The following TNFSF4 variants were observed in gnomAD, a reference collection of about 807,000 sequenced individuals.
TNFSF4 encodes tumor necrosis factor ligand superfamily member 4.
TNFSF4 carries 4 observed loss-of-function variants against 7.3 expected under a neutral mutation model. The observed-to-expected ratio is 0.55, with a 90% confidence interval of 0.27 to 1.25. The LOEUF (loss-of-function observed/expected upper bound fraction) is 1.25. TNFSF4 is among the 50% of genes most tolerant of loss of function. TNFSF4 has a pLI of 0.12. For synonymous variants in TNFSF4, 76 were observed against 83.7 expected (o/e 0.91, Z 0.50); for missense variants, 181 against 208.8 (o/e 0.87, Z 0.82).
the TNFSF4 span, among the ~76,000 whole-genome samples, chr1:173,229,324 G>A: frequency 6.6e-6 from 1 of 152,138 alleles, no homozygotes; most frequent in Non-Finnish European, 1.5e-5. Flanking sequence ...TTCATATCCA[G>A]CCAAACTAAG....
At chr1:173,259,403 T>C in the TNFSF4 span, among the ~76,000 whole-genome samples, 2 of 151,174 alleles carry the variant, frequency 1.3e-5, no homozygotes, top group Admixed American at 6.6e-5. Context: ...AATACAAAAA[T>C]GCTGAAAGCT....
At chr1:173,224,644 AGGTTAGACACTAGTAAGCAGT>A in the TNFSF4 span, among the ~76,000 whole-genome samples, 2 of 152,210 alleles carry the variant, frequency 1.3e-5, no homozygotes, top group Admixed American at 1.3e-4. Flanking sequence ...AACTTCCCTG[AGGTTAGACACTAGTAAGCAGT>A]GGTTAGACAC....
intron 1 of TNFSF4, among the ~76,000 whole-genome samples, chr1:173,206,802 C>T (rs150692112): frequency 1.3e-5 from 2 of 152,230 alleles, no homozygotes; most frequent in African/African-American, 2.4e-5. Context: ...GAAGCTGTGC[C>T]TCTGCCCTAC....
chr1:173,383,485 G>A, the TNFSF4 span, among the ~76,000 whole-genome samples: 1 of 152,228 alleles, frequency 6.6e-6, no homozygotes, highest in South Asian at 2.1e-4. Flanking sequence ...GTCTGTCTGT[G>A]GTTTGTATAG....
the TNFSF4 span, among the ~76,000 whole-genome samples, chr1:173,217,479 A>G: frequency 6.6e-6 from 1 of 152,242 alleles, no homozygotes; most frequent in South Asian, 2.1e-4. Context: ...ATAAATAAAT[A>G]TAGGTAGAAG....
chr1:173,201,145 A>C (rs1649925807), intron 1 of TNFSF4, among the ~76,000 whole-genome samples: 1 of 152,238 alleles, frequency 6.6e-6, no homozygotes, highest in African/African-American at 2.4e-5. Flanking sequence ...AAACGGAAAT[A>C]GCCTAAGCCA....
the TNFSF4 span, among the ~76,000 whole-genome samples, chr1:173,424,283 G>C: frequency 6.6e-6 from 1 of 152,146 alleles, no homozygotes; most frequent in Non-Finnish European, 1.5e-5. Context: ...CTTCTCATGG[G>C]CAAGACTCTA....
chr1:173,270,866 C>G, the TNFSF4 span, among the ~76,000 whole-genome samples: 1 of 152,014 alleles, frequency 6.6e-6, no homozygotes, highest in Non-Finnish European at 1.5e-5. Flanking sequence ...GCAGTAGAAC[C>G]AAATTTTCAG....
At chr1:173,375,240 T>C in the TNFSF4 span, among the ~76,000 whole-genome samples, 191 of 152,248 alleles carry the variant, frequency 1.3e-3, 3 homozygotes, top group Non-Finnish European at 2.5e-4. Flanking sequence ...TGAGCTCAAC[T>C]CACAACTTCT....
the TNFSF4 span, among the ~76,000 whole-genome samples, chr1:173,438,441 T>C: frequency 6.6e-6 from 1 of 152,176 alleles, no homozygotes; most frequent in African/African-American, 2.4e-5. Flanking sequence ...AGTATCTCAC[T>C]GTAGATTTAA....
the TNFSF4 span, among the ~76,000 whole-genome samples, chr1:173,422,092 A>G: frequency 2.6e-5 from 4 of 152,158 alleles, no homozygotes; most frequent in Non-Finnish European, 4.4e-5. Flanking sequence ...CTAGCAGAAA[A>G]AAAAGCGGCA....
chr1:173,260,926 T>G, the TNFSF4 span, among the ~76,000 whole-genome samples: 2 of 152,152 alleles, frequency 1.3e-5, no homozygotes, highest in Non-Finnish European at 2.9e-5. Context: ...ATTAGACAGA[T>G]CATTGAGATA....
the TNFSF4 span, among the ~76,000 whole-genome samples, chr1:173,259,450 A>G: frequency 6.6e-6 from 1 of 152,200 alleles, no homozygotes; most frequent in South Asian, 2.1e-4. Flanking sequence ...CCAAATGATC[A>G]CAACGCCTCT....
chr1:173,418,436 C>T, the TNFSF4 span: 3 of 152,184 alleles, frequency 2.0e-5, no homozygotes, highest in South Asian at 6.2e-4. Context: ...GGGTGACATC[C>T]AATATGTAAA....
chr1:173,352,991 T>C, the TNFSF4 span, among the ~76,000 whole-genome samples: 3 of 152,226 alleles, frequency 2.0e-5, no homozygotes, highest in Non-Finnish European at 2.9e-5. Flanking sequence ...AATATGGCTC[T>C]GTTCTGCCCA....
the TNFSF4 span, among the ~76,000 whole-genome samples, chr1:173,291,613 C>A: frequency 2.0e-5 from 3 of 152,028 alleles, no homozygotes; most frequent in African/African-American, 7.2e-5. Context: ...GCAAACCAAC[C>A]ACAAACATAG....
the TNFSF4 span, among the ~76,000 whole-genome samples, chr1:173,213,486 C>T: frequency 4.0e-4 from 61 of 152,068 alleles, no homozygotes; most frequent in African/African-American, 1.4e-3. Flanking sequence ...TTTTAAATTG[C>T]GTATTTAAAA....
chr1:173,234,755 G>A, the TNFSF4 span, among the ~76,000 whole-genome samples: 1 of 152,076 alleles, frequency 6.6e-6, no homozygotes, highest in African/African-American at 2.4e-5. Flanking sequence ...GAGAACACTT[G>A]GACACAGGAA....
the TNFSF4 span, among the ~76,000 whole-genome samples, chr1:173,429,300 T>C: frequency 2.0e-5 from 3 of 152,206 alleles, no homozygotes; most frequent in African/African-American, 7.2e-5. Flanking sequence ...CTCTTTCTTG[T>C]ATTTCCTCAC....
Sources: allele counts gnomAD v4.1 joint callset (sites outside exome capture counted in the v4.1 genomes callset), GRCh38; gene constraint gnomAD v4.1.1; transcripts MANE v1.5; gene names NCBI Gene and HGNC (gene_info 2026-07-23, HGNC 2026-07-21).